The following RAP1GAP2 variants were observed in gnomAD, a reference collection of about 807,000 sequenced individuals.
RAP1GAP2 encodes the protein RAP1 GTPase activating protein 2.
Under a neutral mutation model 95.0 loss-of-function variants are expected in RAP1GAP2, and 27 were observed. The ratio of observed to expected loss-of-function variants is 0.28; its 90% confidence interval spans 0.21 to 0.39. The LOEUF (loss-of-function observed/expected upper bound fraction) is 0.39. Ranked by LOEUF, RAP1GAP2 falls within the 10% of genes least tolerant of loss-of-function variation. The pLI is 1.00. For synonymous variants in RAP1GAP2, 373 were observed against 380.9 expected (o/e 0.98, Z 0.24); for missense variants, 771 against 970.0 (o/e 0.79, Z 2.72).
intron 1 of RAP1GAP2, among the ~76,000 whole-genome samples, chr17:2,785,574 C>G (rs2068752941): frequency 6.6e-6 from 1 of 152,168 alleles, no homozygotes; most frequent in African/African-American, 2.4e-5. Context: ...GTTCTGTTAG[C>G]TGATGCATGT....
intron 2 of RAP1GAP2, among the ~76,000 whole-genome samples, chr17:2,833,506 C>T (rs138045034): frequency 0.011 from 1,744 of 151,704 alleles, 38 homozygotes; most frequent in African/African-American, 0.039. Flanking sequence ...TTGGCTAACA[C>T]GGTGAAACCC....
At chr17:3,024,326 C>T (rs2047039780) in intron 19 of RAP1GAP2, among the ~76,000 whole-genome samples, 1 of 152,238 alleles carries the variant, frequency 6.6e-6, no homozygotes, top group Admixed American at 6.5e-5. Context: ...TTATTAGCAA[C>T]CTCATCAAAT....
chr17:3,025,971 G>C, intron 19 of RAP1GAP2, 37 bp from the exon 20 acceptor site: 3 of 1,491,736 alleles, frequency 2.0e-6, no homozygotes, highest in Non-Finnish European at 1.9e-6. Context: ...GTTGAGGGCT[G>C]TCTCCGCGGC....
intron 1 of RAP1GAP2, among the ~76,000 whole-genome samples, chr17:2,769,619 A>T (rs1050076028): frequency 6.6e-5 from 10 of 152,134 alleles, no homozygotes; most frequent in Non-Finnish European, 1.3e-4. Context: ...AAAAGAAAAA[A>T]TAAGTCCAAT....
At chr17:2,991,698 C>T (rs554622346) in intron 12 of RAP1GAP2, among the ~76,000 whole-genome samples, 1 of 152,348 alleles carries the variant, frequency 6.6e-6, no homozygotes, top group South Asian at 2.1e-4. Flanking sequence ...TGTCACTCAC[C>T]TGCCAGGTGT....
chr17:2,947,544 T>C (rs2043746622), intron 3 of RAP1GAP2, among the ~76,000 whole-genome samples: 1 of 152,150 alleles, frequency 6.6e-6, no homozygotes, highest in Admixed American at 6.5e-5. Context: ...CTGGCAAATG[T>C]TTATTGAGCA....
chr17:2,894,362 G>A (rs1391463034), intron 2 of RAP1GAP2, among the ~76,000 whole-genome samples: 2 of 152,152 alleles, frequency 1.3e-5, no homozygotes, highest in African/African-American at 2.4e-5. Flanking sequence ...CCCAGGAGGC[G>A]GAGCTTGCAG....
At chr17:2,939,458 AT>A (rs1190043332) in intron 3 of RAP1GAP2, among the ~76,000 whole-genome samples, 2 of 152,214 alleles carry the variant, frequency 1.3e-5, no homozygotes, top group East Asian at 3.9e-4. Flanking sequence ...GCCTCGAAAG[AT>A]GCAGGCACCG....
At chr17:2,908,155 G>A (rs2042262687) in intron 3 of RAP1GAP2, among the ~76,000 whole-genome samples, 1 of 152,172 alleles carries the variant, frequency 6.6e-6, no homozygotes. Context: ...ACACAGGGCA[G>A]CTTGAGAAGC....
At chr17:2,917,916 A>G (rs1402039417) in intron 3 of RAP1GAP2, among the ~76,000 whole-genome samples, 6 of 151,630 alleles carry the variant, frequency 4.0e-5, no homozygotes, top group South Asian at 4.2e-4. Flanking sequence ...GCGATTAACC[A>G]TGTTGGCCAG....
rs549611603 is a variant in RAP1GAP2, at chr17:3,004,585, G to A, written c.1201-784G>A. Among the ~76,000 whole-genome samples, 2 of 152,368 alleles carry A rather than the reference G, an allele frequency of 1.3e-5. No homozygotes were observed. Among genetic ancestry groups the A allele is most frequent in the African/African-American group, 4.8e-5 (2 of 41,592 alleles). ...GGGTGTGGGGCCCGTCCCACGCCTG[G>A]GCGACCCCCATGCAGCGAACCTCGA... is the stretch of plus-strand genomic sequence containing the variant. On this transcript the variant is annotated intron_variant, in intron 14 of 24. Transcript: ENST00000254695. This position sits in a 1 kb window ranked among gnomAD's most constrained non-coding sequence, Gnocchi z 4.1.
At chr17:2,971,726 G>A (rs765912519) in intron 8 of RAP1GAP2, among the ~76,000 whole-genome samples, 14 of 152,148 alleles carry the variant, frequency 9.2e-5, no homozygotes, top group Non-Finnish European at 1.8e-4. Context: ...TACATGTCCT[G>A]GTGAGTGAGG....
At chr17:2,865,926 C>A (rs750919377) in intron 2 of RAP1GAP2, among the ~76,000 whole-genome samples, 1 of 152,356 alleles carries the variant, frequency 6.6e-6, no homozygotes, top group Non-Finnish European at 1.5e-5. Context: ...GTGTCCCAAA[C>A]GTTCATTCAC....
rs751434439 is a variant in RAP1GAP2 at position 3,020,547 on chromosome 17, C to T, written c.1703C>T (p.Pro568Leu). 1 of 1,613,924 alleles carries T rather than the reference C, an allele frequency of 6.2e-7. No homozygotes were observed. The change falls in exon 19 of 25, where the codon CCC (proline) becomes CTC (leucine). Residue 568 changes from proline to leucine, a missense_variant. Physicochemically the swap from Pro to Leu is moderately conservative, Grantham distance 98. Coordinates refer to ENST00000254695, the MANE Select transcript of RAP1GAP2 (RefSeq NM_015085.5). ...SPIKRRSGLFPRLHTGSEGQG... is the reference protein window; with the variant it reads ...SPIKRRSGLFLRLHTGSEGQG... Reference sequence around the variant, plus strand: ...ATCAAGCGACGCTCGGGGCTCTTCCCCCGCCTGCACACGGGCTCAGAAGGC... The same window carrying T: ...ATCAAGCGACGCTCGGGGCTCTTCCTCCGCCTGCACACGGGCTCAGAAGGC...
chr17:2,848,757 G>A (rs937349200), intron 2 of RAP1GAP2, among the ~76,000 whole-genome samples: 4 of 152,030 alleles, frequency 2.6e-5, no homozygotes, highest in South Asian at 2.1e-4. Flanking sequence ...CAAGTGATTC[G>A]CCTGCCACGG....
upstream of RAP1GAP2, among the ~76,000 whole-genome samples, chr17:2,791,980 C>T (rs570629856): frequency 8.6e-5 from 13 of 152,032 alleles, no homozygotes; most frequent in African/African-American, 2.7e-4. Flanking sequence ...CTGCCTCAGC[C>T]TTCCGAGGAG....
Position 2,891,203 on chromosome 17 carries a change from A to C in RAP1GAP2, c.81-14081A>C, listed in dbSNP as rs1373026966. Among the ~76,000 whole-genome samples, 3 of 151,716 alleles carry C rather than the reference A, an allele frequency of 2.0e-5. No individual in the cohort carries two copies. The East Asian group carries it at 5.8e-4, about 29-fold the overall frequency. ...CACTCTGTCACCCAGGCTGGAGTGC[A>C]GTGCCACATTCATGGCTTACTACAG... On this transcript the variant is annotated intron_variant, in intron 2 of 24. Coordinates refer to ENST00000254695, the MANE Select transcript of RAP1GAP2 (RefSeq NM_015085.5).
intron 2 of RAP1GAP2, among the ~76,000 whole-genome samples, chr17:2,861,009 G>C (rs1252611457): frequency 1.3e-5 from 2 of 152,054 alleles, no homozygotes; most frequent in Non-Finnish European, 2.9e-5. Flanking sequence ...CTTTCCTCCT[G>C]GTGATCACCA....
intron 23 of RAP1GAP2, among the ~76,000 whole-genome samples, chr17:3,031,644 G>T (rs1189145611): frequency 6.7e-6 from 1 of 148,268 alleles, no homozygotes; most frequent in Non-Finnish European, 1.5e-5. Flanking sequence ...GGTGAGAAAG[G>T]CTGGTTCCTG....
Sources: allele counts gnomAD v4.1 joint callset (sites outside exome capture counted in the v4.1 genomes callset), GRCh38; gene constraint gnomAD v4.1.1; non-coding constraint Gnocchi (gnomAD v3.1); transcripts MANE v1.5; gene names NCBI Gene and HGNC (gene_info 2026-07-23, HGNC 2026-07-21).